CAMTA1: variants seen among roughly 807,000 people sequenced by gnomAD.
CAMTA1 encodes the protein calmodulin-binding transcription activator 1.
CAMTA1 carries 27 observed loss-of-function variants against 170.9 expected under a neutral mutation model. That is an observed-to-expected ratio of 0.16 (90% CI 0.12 to 0.22). The LOEUF is 0.22. Ranked by LOEUF, CAMTA1 falls within the 10% of genes least tolerant of loss-of-function variation. The probability of loss-of-function intolerance (pLI) is 1.00; values close to 1 mark genes in which losing one functional copy is unlikely to be tolerated. For missense variants in CAMTA1, 1,619 were observed against 2,217.2 expected, an observed-to-expected ratio of 0.73 and a Z score of 5.42; for synonymous variants, 833 against 891.5, an observed-to-expected ratio of 0.93 and a Z score of 1.17.
chr1:6,943,811 C>T lies in CAMTA1; in HGVS notation c.234+118601C>T, dbSNP rs188498291. Among the ~76,000 whole-genome samples, 12 of 137,056 alleles carry T rather than the reference C, an allele frequency of 8.8e-5. No homozygotes were observed. The East Asian group carries it at 2.4e-3, about 28-fold the overall frequency. The allele number at this position is 137,056 out of a possible 152,430, so 89.9% of individuals were successfully genotyped here. ...GCAGTGAGCCGAAATCGTGCCACTG[C>T]ACTCCAGCTTGGGTGACAGAAGGAG... On this transcript the variant is annotated intron_variant, in intron 3 of 22. Coordinates refer to ENST00000303635, the MANE Select transcript of CAMTA1 (RefSeq NM_015215.4).
intron 11 of CAMTA1, among the ~76,000 whole-genome samples, chr1:7,724,310 C>A (rs2096668796): frequency 6.6e-6 from 1 of 152,114 alleles, no homozygotes; most frequent in South Asian, 2.1e-4. Flanking sequence ...TCTAATATAC[C>A]AATACTAGTT....
intron 3 of CAMTA1, among the ~76,000 whole-genome samples, chr1:6,881,922 G>A (rs1362357220): frequency 1.3e-5 from 2 of 151,864 alleles, no homozygotes; most frequent in Non-Finnish European, 2.9e-5. Flanking sequence ...AGTGGAGATC[G>A]CACCACTGCA....
chr1:7,030,393 T>C (rs961858042), intron 3 of CAMTA1, among the ~76,000 whole-genome samples: 2 of 152,214 alleles, frequency 1.3e-5, no homozygotes, highest in African/African-American at 4.8e-5. Context: ...CGTTTTATTA[T>C]ACAATAACCC....
chr1:7,584,568 G>C (rs955696703), intron 6 of CAMTA1, among the ~76,000 whole-genome samples: 4 of 152,194 alleles, frequency 2.6e-5, no homozygotes, highest in African/African-American at 9.7e-5. Flanking sequence ...AGGAATCTTT[G>C]TCAGAATTAA....
intron 6 of CAMTA1, among the ~76,000 whole-genome samples, chr1:7,569,565 C>A (rs568967110): frequency 1.3e-5 from 2 of 151,724 alleles, no homozygotes; most frequent in South Asian, 4.2e-4. Context: ...ATCAACATCA[C>A]CATCTTCATC....
At chr1:7,492,764 T>C (rs1157377036) in intron 6 of CAMTA1, among the ~76,000 whole-genome samples, 3 of 62,384 alleles carry the variant, frequency 4.8e-5, no homozygotes, top group African/African-American at 8.2e-5. Context: ...CACACAAACC[T>C]ACATACACAA....
chr1:6,815,163 C>G (rs922947316), intron 1 of CAMTA1, among the ~76,000 whole-genome samples: 1 of 151,348 alleles, frequency 6.6e-6, no homozygotes, highest in Non-Finnish European at 1.5e-5. Flanking sequence ...TTTTTGAAAA[C>G]AGGGAATATA....
intron 11 of CAMTA1, among the ~76,000 whole-genome samples, chr1:7,688,596 G>A (rs1274753266): frequency 6.6e-6 from 1 of 152,156 alleles, no homozygotes; most frequent in East Asian, 1.9e-4. Flanking sequence ...ACAAGTGCTG[G>A]TTGGGGGCTA....
intron 3 of CAMTA1, among the ~76,000 whole-genome samples, chr1:7,008,222 C>T (rs539291100): frequency 1.3e-5 from 2 of 152,200 alleles, no homozygotes; most frequent in Admixed American, 6.5e-5. Flanking sequence ...CAGGTAAGCA[C>T]GGGTACACAA....
chr1:7,350,885 G>T (rs2084617754), intron 5 of CAMTA1, among the ~76,000 whole-genome samples: 1 of 152,374 alleles, frequency 6.6e-6, no homozygotes, highest in African/African-American at 2.4e-5. Flanking sequence ...GGGATGAGAA[G>T]GGAGTTGCTG....
intron 3 of CAMTA1, among the ~76,000 whole-genome samples, chr1:6,993,175 A>G (rs1572284650): frequency 6.6e-6 from 1 of 152,194 alleles, no homozygotes; most frequent in Non-Finnish European, 1.5e-5. Context: ...TACTTTTTCA[A>G]AATGATTTGA....
At chr1:6,979,887 C>T (rs1694132905) in intron 3 of CAMTA1, among the ~76,000 whole-genome samples, 1 of 152,148 alleles carries the variant, frequency 6.6e-6, no homozygotes, top group African/African-American at 2.4e-5. Flanking sequence ...AACACTGTCC[C>T]CTCATCTAGC....
intron 5 of CAMTA1, among the ~76,000 whole-genome samples, chr1:7,410,818 G>A (rs930293511): frequency 6.6e-6 from 1 of 152,200 alleles, no homozygotes; most frequent in Non-Finnish European, 1.5e-5. Context: ...GGCCCACACG[G>A]GGCGCTCTGC....
intron 6 of CAMTA1, among the ~76,000 whole-genome samples, chr1:7,538,628 T>C (rs943214): frequency 0.78 from 119,204 of 152,210 alleles, 47,057 homozygotes; most frequent in African/African-American, 0.87. Flanking sequence ...CCAGCCTGGA[T>C]GACAGATCAA....
intron 3 of CAMTA1, among the ~76,000 whole-genome samples, chr1:7,033,311 T>G (rs1703064754): frequency 6.6e-6 from 1 of 152,216 alleles, no homozygotes; most frequent in Non-Finnish European, 1.5e-5. Context: ...AGTGTGTTTT[T>G]CACCTCAGAC....
rs78110607 is a variant in CAMTA1 at position 7,143,137 on chromosome 1, C to T, written c.302+51766C>T. 4.4e-3 allele frequency among the ~76,000 whole-genome samples: 664 copies of T among 152,204 alleles called. 2 individuals carry two copies. Among genetic ancestry groups the T allele is most frequent in the Middle Eastern group, 0.01 (3 of 294 alleles). On this transcript the variant is annotated intron_variant, in intron 4 of 22. Coordinates refer to ENST00000303635, the MANE Select transcript of CAMTA1 (RefSeq NM_015215.4). ...GTAGAAAACTGAGCAGAGAAAACCA[C>T]GGGGTGCAGCTCCCATGGTGGAAGG...
intron 3 of CAMTA1, 41 bp downstream of exon 3, chr1:6,825,251 G>A: frequency 8.6e-7 from 1 of 1,157,354 alleles, no homozygotes; most frequent in East Asian, 2.4e-5. Flanking sequence ...TTATTTTAAG[G>A]GCAAATTTTT....
chr1:7,061,628 C>T (rs944156507), intron 3 of CAMTA1, among the ~76,000 whole-genome samples: 6 of 151,208 alleles, frequency 4.0e-5, no homozygotes, highest in African/African-American at 1.5e-4. Context: ...GGCAGATATT[C>T]ACTGTCAGCG....
At chr1:6,936,664 C>G (rs1371874781) in intron 3 of CAMTA1, among the ~76,000 whole-genome samples, 2 of 152,134 alleles carry the variant, frequency 1.3e-5, no homozygotes, top group Non-Finnish European at 2.9e-5. Context: ...TGCCACCAAG[C>G]TTTTTGATGT....
Sources: gnomAD v4.1 joint callset for allele counts (sites outside exome capture counted in the v4.1 genomes callset) on GRCh38, gnomAD v4.1.1 for gene constraint, MANE v1.5 for transcripts, NCBI Gene and HGNC (gene_info 2026-07-23, HGNC 2026-07-21) for gene names.